Variants in SORCS1 observed in about 807,000 individuals in gnomAD.
SORCS1 encodes the protein VPS10 domain-containing receptor SorCS1.
SORCS1 carries 60 observed loss-of-function variants against 146.1 expected under a neutral mutation model. The observed-to-expected ratio is 0.41, with a 90% CI of 0.33 to 0.51. SORCS1 has a LOEUF of 0.51. Among genes scored for constraint, SORCS1 ranks in the 20% least tolerant of loss-of-function variants. The pLI is 0.21. For synonymous variants in SORCS1, 637 were observed against 584.0 expected (o/e 1.09, Z -1.31); for missense variants, 1,352 against 1,487.6 (o/e 0.91, Z 1.50).
chr10:106,642,058 G>C (rs1849106744), intron 18 of SORCS1, among the ~76,000 whole-genome samples: 1 of 152,192 alleles, frequency 6.6e-6, no homozygotes, highest in Non-Finnish European at 1.5e-5. Flanking sequence ...TGCTGAGACA[G>C]TTGATTCCTC....
chr10:106,927,596 G>A (rs1953128681), intron 2 of SORCS1, among the ~76,000 whole-genome samples: 1 of 152,162 alleles, frequency 6.6e-6, no homozygotes, highest in South Asian at 2.1e-4. Flanking sequence ...CCCACATCCT[G>A]CCGATTGGTA....
chr10:107,122,067 T>C (rs1966443443), intron 1 of SORCS1, among the ~76,000 whole-genome samples: 1 of 152,186 alleles, frequency 6.6e-6, no homozygotes, highest in Admixed American at 6.5e-5. Flanking sequence ...TGACCCTCTG[T>C]ACTTAGTGCC....
intron 1 of SORCS1, among the ~76,000 whole-genome samples, chr10:106,961,210 A>G (rs1418378464): frequency 3.9e-5 from 6 of 152,238 alleles, no homozygotes; most frequent in African/African-American, 1.4e-4. Flanking sequence ...ATTTACAGGT[A>G]TGCGTTGAAA....
chr10:106,631,233 T>C (rs1439457536), intron 18 of SORCS1, among the ~76,000 whole-genome samples: 1 of 152,176 alleles, frequency 6.6e-6, no homozygotes, highest in Non-Finnish European at 1.5e-5. Flanking sequence ...AATAAGTACA[T>C]AGGCACAAAT....
At position 106,744,957 on chromosome 10, in the gene SORCS1, A is replaced by T. The variant is rs77488781; in HGVS notation, c.960-14843T>A. Among the ~76,000 whole-genome samples the T allele has an allele frequency of 5.6e-3, 859 of 152,298 alleles. 9 individuals are homozygous for T. Among genetic ancestry groups the T allele is most frequent in the African/African-American group, 0.019 (810 of 41,546 alleles). Reference sequence around the variant, plus strand: ...CACAGAGAAAGTGCATTTGCTTCTGACGTCTCCATTCCAGGTCAGACTCTA... The same window carrying T: ...CACAGAGAAAGTGCATTTGCTTCTGTCGTCTCCATTCCAGGTCAGACTCTA... On this transcript the variant is annotated intron_variant, in intron 5 of 25. Coordinates refer to ENST00000263054, the MANE Select transcript of SORCS1 (RefSeq NM_052918.5).
At chr10:106,907,791 G>A (rs1294301885) in intron 2 of SORCS1, among the ~76,000 whole-genome samples, 1 of 151,822 alleles carries the variant, frequency 6.6e-6, no homozygotes, top group Non-Finnish European at 1.5e-5. Flanking sequence ...GCCAGGCATG[G>A]TGGTGCGCAC....
chr10:107,099,552 C>T (rs1964775623), intron 1 of SORCS1, among the ~76,000 whole-genome samples: 1 of 152,170 alleles, frequency 6.6e-6, no homozygotes, highest in Non-Finnish European at 1.5e-5. Flanking sequence ...TCACACTAAT[C>T]ACACTTAATA....
At chr10:107,093,757 G>A (rs1964367312) in intron 1 of SORCS1, among the ~76,000 whole-genome samples, 1 of 151,760 alleles carries the variant, frequency 6.6e-6, no homozygotes, top group South Asian at 2.1e-4. Context: ...ATTCCCTATG[G>A]TGGATGGAGA....
chr10:107,033,172 G>A (rs1280160862), intron 1 of SORCS1, among the ~76,000 whole-genome samples: 1 of 152,138 alleles, frequency 6.6e-6, no homozygotes, highest in Non-Finnish European at 1.5e-5. Context: ...CAGCCAGCAG[G>A]AAAGAGAATG....
chr10:106,838,532 C>T (rs1948884269), intron 2 of SORCS1, among the ~76,000 whole-genome samples: 1 of 152,174 alleles, frequency 6.6e-6, no homozygotes. Flanking sequence ...GTATCCACCA[C>T]TTGACATCAT....
chr10:107,156,816 G>A (rs1053212525), intron 1 of SORCS1, among the ~76,000 whole-genome samples: 1 of 152,154 alleles, frequency 6.6e-6, no homozygotes, highest in Non-Finnish European at 1.5e-5. Flanking sequence ...AGGAAGAGAT[G>A]GCTATACCTC....
chr10:107,136,499 G>T (rs1967311926), intron 1 of SORCS1, among the ~76,000 whole-genome samples: 1 of 152,112 alleles, frequency 6.6e-6, no homozygotes, highest in African/African-American at 2.4e-5. Flanking sequence ...GGAGACCTCA[G>T]AGTTTCAGTG....
chr10:106,979,621 C>T (rs111963820), intron 1 of SORCS1, among the ~76,000 whole-genome samples: 274 of 152,248 alleles, frequency 1.8e-3, no homozygotes, highest in Non-Finnish European at 3.4e-3. Flanking sequence ...GGAGGTACTG[C>T]GCTTATCTTC....
chr10:106,896,905 T>C (rs1386356040), intron 2 of SORCS1, among the ~76,000 whole-genome samples: 1 of 150,116 alleles, frequency 6.7e-6, no homozygotes, highest in Non-Finnish European at 1.5e-5. Flanking sequence ...TTTTTTTTTT[T>C]TTTGAGATGG....
intron 4 of SORCS1, among the ~76,000 whole-genome samples, chr10:106,766,268 T>G (rs1859566366): frequency 6.6e-6 from 1 of 152,200 alleles, no homozygotes; most frequent in Admixed American, 6.5e-5. Flanking sequence ...CTGCCAGTTC[T>G]ATTTTATTTG....
intron 1 of SORCS1, among the ~76,000 whole-genome samples, chr10:106,994,739 G>T (rs1252394452): frequency 2.6e-5 from 4 of 152,188 alleles, no homozygotes; most frequent in African/African-American, 9.7e-5. Flanking sequence ...TAACAACTCA[G>T]GATATAACAT....
chr10:106,726,874 G>A (rs947648646), intron 6 of SORCS1, among the ~76,000 whole-genome samples: 11 of 151,924 alleles, frequency 7.2e-5, no homozygotes, highest in African/African-American at 2.7e-4. Flanking sequence ...ATCACGAGGT[G>A]AGGAGATCGA....
At chr10:106,592,017 G>T (rs895900153) in intron 24 of SORCS1, among the ~76,000 whole-genome samples, 3 of 152,106 alleles carry the variant, frequency 2.0e-5, no homozygotes, top group Non-Finnish European at 2.9e-5. Context: ...CAACATCATA[G>T]CCTTTGTTTG....
At chr10:107,123,076 G>A (rs112395430) in intron 1 of SORCS1, among the ~76,000 whole-genome samples, 13 of 93,054 alleles carry the variant, frequency 1.4e-4, no homozygotes, top group African/African-American at 5.9e-4. Context: ...AGACAAACTG[G>A]CAAAAAAAAA....
Sources: allele counts gnomAD v4.1 joint callset (sites outside exome capture counted in the v4.1 genomes callset), GRCh38; gene constraint gnomAD v4.1.1; transcripts MANE v1.5; gene names NCBI Gene and HGNC (gene_info 2026-07-23, HGNC 2026-07-21).